Variants in SLC39A12 observed in about 807,000 individuals in gnomAD.
The protein encoded by SLC39A12 is solute carrier family 39 member 12.
In SLC39A12, 63 loss-of-function variants were observed where a neutral mutation model predicts 71.1. The ratio of observed to expected loss-of-function variants is 0.89; its 90% CI spans 0.72 to 1.09. The LOEUF is 1.09. Among genes scored for constraint, SLC39A12 ranks in the 50% least tolerant of loss-of-function variants. The pLI, the probability that SLC39A12 is intolerant of heterozygous loss-of-function variation, is 0.00. For missense variants in SLC39A12, 892 were observed against 812.6 expected (o/e 1.10, Z -1.19); for synonymous variants, 351 against 301.3 (o/e 1.16, Z -1.71).
intron 9 of SLC39A12, among the ~76,000 whole-genome samples, chr10:17,994,820 C>T (rs774471797): frequency 6.6e-6 from 1 of 152,176 alleles, no homozygotes; most frequent in African/African-American, 2.4e-5. Flanking sequence ...TACACACACA[C>T]AAAATGCATT....
intron 12 of SLC39A12, among the ~76,000 whole-genome samples, chr10:18,041,083 G>A (rs1837212354): frequency 6.6e-6 from 1 of 152,140 alleles, no homozygotes; most frequent in South Asian, 2.1e-4. Context: ...GTTGACACGA[G>A]CCTGTGTCCC....
intron 8 of SLC39A12, among the ~76,000 whole-genome samples, chr10:17,991,944 C>G (rs1222827043): frequency 1.3e-5 from 2 of 151,814 alleles, no homozygotes; most frequent in Non-Finnish European, 2.9e-5. Context: ...CAAAAATTAG[C>G]CAGGCATGAT....
rs1472489682 is a variant in SLC39A12 at position 17,981,392 on chromosome 10, A to C, written c.1005A>C (p.Gln335His). Residue 335 changes from glutamine (Q) to histidine (H), a missense_variant, in exon 6 of 13, where the codon CAA becomes CAC. Gln to His is a conservative substitution (Grantham distance 24). Coordinates refer to ENST00000377369, the MANE Select transcript of SLC39A12 (RefSeq NM_001145195.2). ...LSLISKEDFK[Q>H]MSPGIIQQLL... ...TCATTTCTAAGGAGGACTTTAAGCA[A>C]ATGAGTCCAGGGATCATCCAGCAGC... The C allele has an allele frequency of 1.2e-6, 2 of 1,613,972 alleles. No homozygotes were observed. The highest frequency in any genetic ancestry group is 1.1e-5 in the South Asian group (1 of 91,044).
chr10:17,994,432 A>T (rs1835633681), intron 9 of SLC39A12, among the ~76,000 whole-genome samples: 1 of 151,976 alleles, frequency 6.6e-6, no homozygotes, highest in African/African-American at 2.4e-5. Flanking sequence ...AAGAATGTAC[A>T]TTTTTTTCCC....
At chr10:18,024,651 C>G (rs1195290689) in intron 12 of SLC39A12, among the ~76,000 whole-genome samples, 1 of 152,184 alleles carries the variant, frequency 6.6e-6, no homozygotes, top group Non-Finnish European at 1.5e-5. Flanking sequence ...CTAGCTACTT[C>G]TAGTGAGCCA....
intron 12 of SLC39A12, among the ~76,000 whole-genome samples, chr10:18,021,903 C>T (rs751624808): frequency 7.0e-4 from 106 of 152,234 alleles, no homozygotes; most frequent in Non-Finnish European, 3.4e-4. Context: ...ATATGAAATT[C>T]TTGGTTGAAA....
At chr10:18,012,112 G>C (rs775376884) in intron 12 of SLC39A12, among the ~76,000 whole-genome samples, 3 of 152,150 alleles carry the variant, frequency 2.0e-5, no homozygotes, top group Non-Finnish European at 2.9e-5. Context: ...CTGATTTCAG[G>C]AGATTCTTGA....
rs1254518339 is a variant in SLC39A12 at position 17,953,111 on chromosome 10, T to C, written c.-86-80T>C. 6 of 865,782 alleles carry C rather than the reference T, an allele frequency of 6.9e-6. No individual in the cohort carries two copies. In the East Asian group the frequency reaches 1.5e-4, roughly 22 times the overall value. 53.6% of individuals were successfully genotyped at this position (865,782 alleles called of 1,614,324 possible). On this transcript the variant is annotated intron_variant, in intron 1 of 12. Coordinates refer to ENST00000377369, the MANE Select transcript of SLC39A12 (RefSeq NM_001145195.2). ...AAACAGCTTGTCATTGCAAATCAGC[T>C]TAGCCACCCAATTAATGAATCCTTT...
intron 12 of SLC39A12, among the ~76,000 whole-genome samples, chr10:18,037,831 C>A (rs1019996796): frequency 3.3e-5 from 5 of 151,426 alleles, no homozygotes; most frequent in African/African-American, 1.2e-4. Flanking sequence ...ACCATCTTGG[C>A]CAACATCATG....
intron 7 of SLC39A12, among the ~76,000 whole-genome samples, chr10:17,990,491 G>A (rs1397747648): frequency 6.6e-6 from 1 of 152,086 alleles, no homozygotes; most frequent in East Asian, 1.9e-4. Flanking sequence ...GAAGGGATAT[G>A]GTATAGAATG....
At chr10:17,999,022 T>C (rs941273869) in intron 10 of SLC39A12, among the ~76,000 whole-genome samples, 1 of 152,016 alleles carries the variant, frequency 6.6e-6, no homozygotes, top group African/African-American at 2.4e-5. Context: ...TTAGGCCAGG[T>C]GCAGTGGCTA....
At chr10:18,031,153 G>C (rs1836837089) in intron 12 of SLC39A12, among the ~76,000 whole-genome samples, 1 of 146,150 alleles carries the variant, frequency 6.8e-6, no homozygotes, top group South Asian at 2.2e-4. Context: ...AGTCATTTGG[G>C]TATATACCCA....
chr10:17,959,728 G>T (rs1834638273), intron 2 of SLC39A12, among the ~76,000 whole-genome samples: 1 of 152,134 alleles, frequency 6.6e-6, no homozygotes, highest in Admixed American at 6.5e-5. Flanking sequence ...AAAGCTTCTG[G>T]TCCACAATTC....
At chr10:17,999,627 C>G (rs1161010266) in intron 10 of SLC39A12, among the ~76,000 whole-genome samples, 2 of 152,184 alleles carry the variant, frequency 1.3e-5, no homozygotes, top group Admixed American at 6.5e-5. Flanking sequence ...TTCATTGGCT[C>G]TCTCCTGACC....
intron 12 of SLC39A12, among the ~76,000 whole-genome samples, chr10:18,020,816 C>T (rs944492894): frequency 6.6e-6 from 1 of 151,756 alleles, no homozygotes; most frequent in Non-Finnish European, 1.5e-5. Flanking sequence ...TTAATGGGGC[C>T]ATTTGTTTCT....
chr10:17,957,731 T>C (rs137943847), intron 2 of SLC39A12, among the ~76,000 whole-genome samples: 4 of 152,296 alleles, frequency 2.6e-5, no homozygotes, highest in Admixed American at 2.6e-4. Context: ...AGTAGAGCTT[T>C]TTGTCATATC....
intron 12 of SLC39A12, 67 bp from the exon 13 acceptor site, chr10:18,042,638 C>A: frequency 1.3e-6 from 2 of 1,485,814 alleles, no homozygotes; most frequent in Admixed American, 2.2e-5. Flanking sequence ...CTCATGTTTT[C>A]CCACCAAGCT....
intron 12 of SLC39A12, among the ~76,000 whole-genome samples, chr10:18,021,504 A>T (rs182194291): frequency 1.3e-5 from 2 of 151,942 alleles, no homozygotes; most frequent in Non-Finnish European, 2.9e-5. Context: ...CTTTGAGTCT[A>T]TGGGTTTTCT....
chr10:17,994,781 C>T (rs1835642721), intron 9 of SLC39A12, among the ~76,000 whole-genome samples: 1 of 152,152 alleles, frequency 6.6e-6, no homozygotes, highest in South Asian at 2.1e-4. Context: ...GTGAACTTTA[C>T]TAATGTGTAA....
Sources: gnomAD v4.1 joint callset for allele counts (sites outside exome capture counted in the v4.1 genomes callset) on GRCh38, gnomAD v4.1.1 for gene constraint, MANE v1.5 for transcripts, NCBI Gene and HGNC (gene_info 2026-07-23, HGNC 2026-07-21) for gene names.